The following ANKRD33B variants were observed in gnomAD, a reference collection of about 807,000 sequenced individuals.
ANKRD33B encodes ankyrin repeat domain-containing protein 33B.
A neutral mutation model predicts 21.5 loss-of-function variants in ANKRD33B; 6 were observed. The ratio of observed to expected loss-of-function variants is 0.28; its 90% CI spans 0.15 to 0.55. The LOEUF is 0.55. Among genes scored for constraint, ANKRD33B ranks in the 20% least tolerant of loss-of-function variants. The probability of loss-of-function intolerance (pLI) is 0.94; values close to 1 mark genes in which losing one functional copy is unlikely to be tolerated. For missense variants in ANKRD33B, 698 were observed against 747.2 expected (o/e 0.93, Z 0.77); for synonymous variants, 347 against 342.4 (o/e 1.01, Z -0.15).
intron 1 of ANKRD33B, among the ~76,000 whole-genome samples, chr5:10,608,638 A>G (rs1298401051): frequency 1.3e-5 from 2 of 150,220 alleles, no homozygotes; most frequent in East Asian, 1.9e-4. Flanking sequence ...AATAAAAACC[A>G]TGGTGGATTC....
chr5:10,570,889 A>G (rs35946808), intron 1 of ANKRD33B, among the ~76,000 whole-genome samples: 23,460 of 145,762 alleles, frequency 0.16, 2,012 homozygotes, highest in Non-Finnish European at 0.19. Context: ...CTTTAACAAC[A>G]TGACTCAAAT....
At chr5:10,568,675 C>T (rs1735110900) in intron 1 of ANKRD33B, among the ~76,000 whole-genome samples, 1 of 152,244 alleles carries the variant, frequency 6.6e-6, no homozygotes, top group African/African-American at 2.4e-5. Context: ...CCTGGGATTA[C>T]AGGCGTGCGC....
intron 1 of ANKRD33B, among the ~76,000 whole-genome samples, chr5:10,572,653 G>A (rs919477329): frequency 2.0e-5 from 3 of 152,182 alleles, no homozygotes; most frequent in African/African-American, 7.2e-5. Flanking sequence ...AGCCCCGTCT[G>A]GGCCTGTTCC....
At chr5:10,639,671 G>T (rs868247727) in intron 3 of ANKRD33B, among the ~76,000 whole-genome samples, 5 of 21,714 alleles carry the variant, frequency 2.3e-4, no homozygotes, top group Non-Finnish European at 3.3e-4. Flanking sequence ...GGTGACGTGG[G>T]GTTGCGCGGC....
At chr5:10,584,297 G>A (rs929059639) in intron 1 of ANKRD33B, among the ~76,000 whole-genome samples, 6 of 152,176 alleles carry the variant, frequency 3.9e-5, no homozygotes, top group Admixed American at 1.3e-4. Context: ...TGTAATCCCA[G>A]AACTTCGGGA....
Position 10,576,337 on chromosome 5 carries a change from C to A in ANKRD33B, c.366+11504C>A, listed in dbSNP as rs961473079. Among the ~76,000 whole-genome samples, 4 of 152,126 alleles carry A rather than the reference C, an allele frequency of 2.6e-5. No individual in the cohort carries two copies. The highest frequency in any genetic ancestry group is 5.9e-5 in the Non-Finnish European group (4 of 68,032). ...GCTGCCTTCACTGTGGTTCATGGGC[C>A]AGCAGCGTTGGCATCGCCTGGGAGC... is the stretch of plus-strand genomic sequence containing the variant. On this transcript the variant is annotated intron_variant, in intron 1 of 3. Coordinates refer to ENST00000296657, the MANE Select transcript of ANKRD33B (RefSeq NM_001164440.2). The surrounding 1 kb of genome is among the most constrained non-coding windows in gnomAD (Gnocchi z 4.1).
intron 1 of ANKRD33B, among the ~76,000 whole-genome samples, chr5:10,568,724 AGG>A (rs1205669829): frequency 2.0e-5 from 3 of 152,160 alleles, no homozygotes; most frequent in African/African-American, 7.2e-5. Context: ...TAGTAGAGAC[AGG>A]GTTTCATCAT....
rs6875096 is a variant in ANKRD33B, at chr5:10,651,874, T to A, written c.*1761T>A. On this transcript the variant is annotated 3_prime_UTR_variant, in exon 4 of 4. Transcript: ENST00000296657. ...CCCAGGCTAATGGGAGATTGGTGTG[T>A]TGATGATACAGTGTTTAAGATGAGA... The A allele has an allele frequency of 0.31, 46,499 of 152,180 alleles. 7,056 individuals carry two copies. Among genetic ancestry groups the A allele is most frequent in the Non-Finnish European group, 0.32 (21,640 of 67,992 alleles). 9.4% of individuals were successfully genotyped at this position (152,180 alleles called of 1,614,324 possible).
chr5:10,645,646 C>T (rs1018817230), intron 3 of ANKRD33B, among the ~76,000 whole-genome samples: 2 of 152,210 alleles, frequency 1.3e-5, no homozygotes, highest in African/African-American at 4.8e-5. Context: ...TTTGGCTCCC[C>T]TTAGCCTGTT....
chr5:10,572,286 G>A (rs368296989), intron 1 of ANKRD33B, among the ~76,000 whole-genome samples: 17 of 152,318 alleles, frequency 1.1e-4, no homozygotes, highest in Admixed American at 5.9e-4. Flanking sequence ...GTGGGGTCCT[G>A]AGACCTGGAG....
Position 10,564,505 on chromosome 5 carries a change from G to T in ANKRD33B, c.38G>T (p.Gly13Val). The change falls in exon 1 of 4, where the codon GGG (glycine) becomes GTG (valine). Residue 13 changes from glycine (G) to valine (V), a missense_variant. By Grantham distance (109) the Gly-to-Val change is moderately radical. This residue lies in a region of ANKRD33B where 148 missense variants were observed against 154.9 expected (regional missense o/e 0.96). Transcript: ENST00000296657. Reference sequence around the variant, plus strand: ...GCCGGGACCGGGCCGGAGGGCGGCGGGGCGCGCTGCATGACCCCACCACCG... The same window carrying T: ...GCCGGGACCGGGCCGGAGGGCGGCGTGGCGCGCTGCATGACCCCACCACCG... ...LLAGTGPEGG[G>V]ARCMTPPPPS... is the part of the protein sequence containing the mutation. The T allele has an allele frequency of 1.3e-6, 2 of 1,521,478 alleles. No homozygotes were observed. Among genetic ancestry groups the T allele is most frequent in the South Asian group, 2.4e-5 (2 of 83,138 alleles). The allele number at this position is 1,521,478 out of a possible 1,614,324, so 94.2% of individuals were successfully genotyped here.
At chr5:10,575,521 C>CTAA (rs1735301191) in intron 1 of ANKRD33B, among the ~76,000 whole-genome samples, 1 of 152,012 alleles carries the variant, frequency 6.6e-6, no homozygotes, top group Admixed American at 6.6e-5. Flanking sequence ...GTTTTCTGTC[C>CTAA]TTTAGAGCTA....
intron 1 of ANKRD33B, among the ~76,000 whole-genome samples, chr5:10,601,515 A>T (rs191570593): frequency 8.6e-4 from 131 of 152,184 alleles, no homozygotes; most frequent in Non-Finnish European, 5.7e-4. Context: ...TGCTCCCACC[A>T]TCCTCTGGGC....
rs80347075 is a variant in ANKRD33B, at chr5:10,636,298, C to T, written c.497-1730C>T. 1.6e-4 allele frequency among the ~76,000 whole-genome samples: 25 copies of T among 152,314 alleles called. No homozygotes were observed. The East Asian group carries it at 4.6e-3, about 28-fold the overall frequency. The stretch of plus-strand genomic sequence containing the variant: ...ATGAATAAGTGGGGATTTCTGAGCA[C>T]TGCGTCATCGGTGCATAAGAATGGG... On this transcript the variant is annotated intron_variant, in intron 2 of 3. Coordinates refer to ENST00000296657, the MANE Select transcript of ANKRD33B (RefSeq NM_001164440.2).
At chr5:10,593,601 A>G (rs1037997069) in intron 1 of ANKRD33B, among the ~76,000 whole-genome samples, 1 of 151,740 alleles carries the variant, frequency 6.6e-6, no homozygotes, top group African/African-American at 2.4e-5. Flanking sequence ...ACTCCAGCCC[A>G]ACTCCTCCAA....
intron 1 of ANKRD33B, among the ~76,000 whole-genome samples, chr5:10,575,600 G>A (rs2126548078): frequency 6.6e-6 from 1 of 152,204 alleles, no homozygotes; most frequent in East Asian, 1.9e-4. Flanking sequence ...GGTTCCCAGA[G>A]CATGGCTAAC....
chr5:10,649,288 C>A lies in ANKRD33B; in HGVS notation c.660C>A (p.Asp220Glu), dbSNP rs2126610663. 2 of 1,527,064 alleles carry A rather than the reference C, an allele frequency of 1.3e-6. No individual in the cohort carries two copies. The highest frequency in any genetic ancestry group is 1.2e-5 in the South Asian group (1 of 83,706). The allele number at this position is 1,527,064 out of a possible 1,614,324, so 94.6% of individuals were successfully genotyped here. ...MLAGADVHAR[D>E]PRRGMSPQEW... ...CAGGGGCGGATGTCCACGCGAGGGA[C>A]CCCCGCCGTGGGATGTCGCCGCAGG... Residue 220 changes from aspartate to glutamate, a missense_variant, in exon 4 of 4, where the codon GAC becomes GAA. Asp to Glu is a conservative substitution (Grantham distance 45). Coordinates refer to ENST00000296657, the MANE Select transcript of ANKRD33B (RefSeq NM_001164440.2).
intron 3 of ANKRD33B, among the ~76,000 whole-genome samples, chr5:10,642,894 GTTTGTTTTGC>G (rs1017539991): frequency 2.0e-4 from 30 of 151,944 alleles, no homozygotes; most frequent in African/African-American, 6.3e-4. Flanking sequence ...GTTTTTGTTT[GTTTGTTTTGC>G]TTTGTTTTGT....
chr5:10,608,086 C>T (rs1047661686), intron 1 of ANKRD33B, among the ~76,000 whole-genome samples: 6 of 151,782 alleles, frequency 4.0e-5, no homozygotes, highest in Admixed American at 3.3e-4. Flanking sequence ...CGGGGGCTCA[C>T]GCCTATATTC....
Sources: gnomAD v4.1 joint callset for allele counts (sites outside exome capture counted in the v4.1 genomes callset) on GRCh38, gnomAD v4.1.1 for gene constraint, gnomAD v4.1.1 regional missense constraint, Gnocchi (gnomAD v3.1) non-coding constraint, MANE v1.5 for transcripts, NCBI Gene and HGNC (gene_info 2026-07-23, HGNC 2026-07-21) for gene names.